The following ROS1 variants were observed in gnomAD, a reference collection of about 807,000 sequenced individuals.
The protein encoded by ROS1 is proto-oncogene tyrosine-protein kinase ROS.
A neutral mutation model predicts 273.5 loss-of-function variants in ROS1; 263 were observed. The observed-to-expected ratio is 0.96, with a 90% CI of 0.87 to 1.06. The LOEUF (loss-of-function observed/expected upper bound fraction) is 1.06, where lower values mean the gene tolerates loss of function less well. Ranked by LOEUF, ROS1 falls within the 50% of genes least tolerant of loss-of-function variation. The pLI is 0.00. For synonymous variants in ROS1, 1,008 were observed against 954.1 expected (o/e 1.06, Z -1.04); for missense variants, 2,833 against 2,751.1 (o/e 1.03, Z -0.67).
In ROS1 at chr6:117,308,840, G is replaced by A. The variant is rs764203432; in HGVS notation, c.6505C>T (p.Gln2169Ter). 1 of 1,613,296 alleles carries A rather than the reference G, an allele frequency of 6.2e-7. No individual in the cohort carries two copies. Among genetic ancestry groups the A allele is most frequent in the South Asian group, 1.1e-5 (1 of 91,048 alleles). ...GGTGGCTCCAGTCTCCCTCCTGTTT[G>A]CACATAGTTTAACACATCAAGGTTG... is the stretch of plus-strand genomic sequence containing the variant. Reference protein sequence around the residue: ...HSNLDVLNYVQTGGRLEPPRN... With the variant: ...HSNLDVLNYV The change falls in exon 42 of 44, where the codon CAA (glutamine) becomes TAA (stop). Residue 2169 changes from glutamine (Q) to a stop codon, truncating the protein, a stop_gained. Coordinates refer to ENST00000368507, the MANE Select transcript of ROS1 (RefSeq NM_001378902.1). LOFTEE classifies it high-confidence loss of function.
Position 117,301,096 on chromosome 6 carries a change from T to C in ROS1, c.6593A>G (p.Gln2198Arg), listed in dbSNP as rs144594219. ...CTGAATTCTATGAAAAGTAGGTCTT[T>C]GGTCGGGTTCTTGAGCCCAGCACTG... ...MTQCWAQEPD[Q>R]RPTFHRIQDQ... Residue 2198 changes from glutamine (Q) to arginine (R), a missense_variant, in exon 43 of 44, where the codon CAA becomes CGA. Physicochemically the swap from Gln to Arg is conservative, Grantham distance 43. Coordinates refer to ENST00000368507, the MANE Select transcript of ROS1 (RefSeq NM_001378902.1). 1.3e-5 allele frequency: 21 copies of C among 1,601,480 alleles called. No homozygotes were observed. The highest frequency in any genetic ancestry group is 1.8e-5 in the Non-Finnish European group (21 of 1,175,264).
intron 42 of ROS1, 93 bp downstream of exon 42, chr6:117,308,696 CTTATT>C: frequency 8.2e-7 from 1 of 1,222,796 alleles, no homozygotes. Context: ...AGTTCCAGTT[CTTATT>C]TTAACAATTT....
intron 6 of ROS1, 115 bp from the exon 7 acceptor site, chr6:117,403,392 G>C: frequency 9.6e-7 from 1 of 1,039,188 alleles, no homozygotes; most frequent in Non-Finnish European, 1.4e-6. Context: ...GATGAAATAA[G>C]AGGCCTGGAG....
chr6:117,425,750 T>C lies in ROS1; in HGVS notation c.-94A>G. The C allele has an allele frequency of 3.0e-6, 4 of 1,352,712 alleles. No individual in the cohort carries two copies. Among genetic ancestry groups the C allele is most frequent in the Non-Finnish European group, 4.1e-6 (4 of 968,486 alleles). 83.8% of individuals were successfully genotyped at this position (1,352,712 alleles called of 1,614,324 possible). A position where few individuals can be genotyped will look rare whatever the true frequency, so the allele number is the denominator to read the frequency against. On this transcript the variant is annotated 5_prime_UTR_variant, in exon 1 of 44. Coordinates refer to ENST00000368507, the MANE Select transcript of ROS1 (RefSeq NM_001378902.1). ...GGCTTCATCACTTCAATTGGAGGAG[T>C]AGCTGATGGATTTTGCTTTGTTTGT...
chr6:117,323,942 C>T (rs758926484), intron 35 of ROS1, among the ~76,000 whole-genome samples: 7 of 152,156 alleles, frequency 4.6e-5, no homozygotes, highest in Non-Finnish European at 8.8e-5. Flanking sequence ...TGTCACTGGC[C>T]TCCCATTAAT....
At chr6:117,352,934 G>C in intron 27 of ROS1, 56 bp downstream of exon 27, 1 of 1,526,910 alleles carries the variant, frequency 6.5e-7, no homozygotes, top group Admixed American at 1.8e-5. Context: ...GATGTTATGA[G>C]ATTTTTCTGA....
chr6:117,412,224 A>G (rs1774969688), intron 4 of ROS1, among the ~76,000 whole-genome samples: 1 of 152,152 alleles, frequency 6.6e-6, no homozygotes. Flanking sequence ...GTAAAAAGCC[A>G]TTGAAATGTT....
At chr6:117,302,612 C>T (rs1582556981) in intron 42 of ROS1, among the ~76,000 whole-genome samples, 1 of 152,284 alleles carries the variant, frequency 6.6e-6, no homozygotes, top group East Asian at 1.9e-4. Context: ...GCTCTCAAGG[C>T]CCAGGGAATC....
chr6:117,377,610 G>GA (rs1781445222), intron 18 of ROS1, among the ~76,000 whole-genome samples: 2 of 152,028 alleles, frequency 1.3e-5, no homozygotes, highest in African/African-American at 4.8e-5. Context: ...AAAGCTTCTA[G>GA]AAAAAATGGA....
chr6:117,353,579 G>T (rs1209302057), intron 26 of ROS1, among the ~76,000 whole-genome samples: 4 of 152,186 alleles, frequency 2.6e-5, no homozygotes, highest in African/African-American at 7.2e-5. Context: ...CAGTGGTTTG[G>T]AATGAATGCA....
intron 12 of ROS1, among the ~76,000 whole-genome samples, chr6:117,392,059 A>G (rs906128398): frequency 2.6e-5 from 4 of 152,216 alleles, no homozygotes; most frequent in Non-Finnish European, 4.4e-5. Flanking sequence ...ATTAGTGGGT[A>G]AAGTTCATTA....
chr6:117,325,441 G>T (rs769389369), intron 34 of ROS1, among the ~76,000 whole-genome samples: 1 of 152,134 alleles, frequency 6.6e-6, no homozygotes, highest in Non-Finnish European at 1.5e-5. Flanking sequence ...TATTGGAAAA[G>T]ATAAACCACA....
chr6:117,308,830 C>T lies in ROS1; in HGVS notation c.6515G>A (p.Gly2172Glu), dbSNP rs2128545990. Reference protein sequence around the residue: ...LDVLNYVQTGGRLEPPRNCPD... With the variant: ...LDVLNYVQTGERLEPPRNCPD... ...ACAATTTCTTGGTGGCTCCAGTCTC[C>T]CTCCTGTTTGCACATAGTTTAACAC... The change falls in exon 42 of 44, where the codon GGG becomes GAG. Residue 2172 changes from glycine (G) to glutamate (E), a missense_variant. Gly to Glu is a moderately conservative substitution (Grantham distance 98, BLOSUM62 -2). Coordinates refer to ENST00000368507, the MANE Select transcript of ROS1 (RefSeq NM_001378902.1). 6.2e-7 allele frequency: 1 copy of T among 1,612,920 alleles called. No individual in the cohort carries two copies.
At chr6:117,350,926 T>C (rs1185488722) in intron 27 of ROS1, among the ~76,000 whole-genome samples, 1 of 152,174 alleles carries the variant, frequency 6.6e-6, no homozygotes, top group African/African-American at 2.4e-5. Flanking sequence ...CCCTAGCATA[T>C]TAATCATAGT....
chr6:117,322,722 TTTAA>T (rs1379191955), intron 35 of ROS1, among the ~76,000 whole-genome samples: 1 of 152,218 alleles, frequency 6.6e-6, no homozygotes, highest in African/African-American at 2.4e-5. Context: ...GTTTTGTTAT[TTTAA>T]TTACTCAATC....
chr6:117,338,406 G>T (rs1458981439), intron 31 of ROS1, among the ~76,000 whole-genome samples: 2 of 151,858 alleles, frequency 1.3e-5, no homozygotes, highest in Non-Finnish European at 2.9e-5. Flanking sequence ...CTGATGTCAG[G>T]GACATTGCCT....
chr6:117,344,803 C>T (rs182649327), intron 27 of ROS1, among the ~76,000 whole-genome samples: 2 of 152,212 alleles, frequency 1.3e-5, no homozygotes, highest in African/African-American at 2.4e-5. Context: ...CCCTGGCCAC[C>T]GCTTACAACC....
intron 27 of ROS1, among the ~76,000 whole-genome samples, chr6:117,352,309 A>G (rs1048991288): frequency 6.6e-6 from 1 of 152,146 alleles, no homozygotes; most frequent in African/African-American, 2.4e-5. Flanking sequence ...ACAATGTTTT[A>G]TTATGACTGT....
rs145742603 is a variant in ROS1, at chr6:117,356,764, A to G, written c.3991T>C (p.Leu1331=). 281 of 1,614,076 alleles carry G rather than the reference A, an allele frequency of 1.7e-4. No individual in the cohort carries two copies. In the African/African-American group the frequency reaches 3.3e-3, roughly 19 times the overall value. Residue 1331 remains leucine (L), a synonymous_variant, in exon 26 of 44, where the codon TTA becomes CTA. Coordinates refer to ENST00000368507, the MANE Select transcript of ROS1 (RefSeq NM_001378902.1). ...QCSCNVTEFE[L]SGAMAIDTSN... is the part of the protein sequence containing the mutation. The stretch of plus-strand genomic sequence containing the variant: ...GTATCAATAGCCATTGCTCCACTTA[A>G]CTCAAATTCAGTCACATTACAAGAA...
Sources: allele counts gnomAD v4.1 joint callset (sites outside exome capture counted in the v4.1 genomes callset), GRCh38; gene constraint gnomAD v4.1.1; transcripts MANE v1.5; gene names NCBI Gene and HGNC (gene_info 2026-07-23, HGNC 2026-07-21).